LIMK1: variants seen among roughly 807,000 people sequenced by gnomAD.
The protein encoded by LIMK1 is LIM motif-containing protein kinase.
A neutral mutation model predicts 77.6 loss-of-function variants in LIMK1; 21 were observed. The observed-to-expected ratio is 0.27, with a 90% CI of 0.19 to 0.39. The LOEUF is 0.39. Ranked by LOEUF, LIMK1 falls within the 10% of genes least tolerant of loss-of-function variation. The probability of loss-of-function intolerance (pLI) is 1.00; values close to 1 mark genes in which losing one functional copy is unlikely to be tolerated. For synonymous variants in LIMK1, 358 were observed against 370.0 expected, an observed-to-expected ratio of 0.97 and a Z score of 0.37; for missense variants, 696 against 901.6, an observed-to-expected ratio of 0.77 and a Z score of 2.92.
At chr7:74,108,723 G>A (rs1799634157) in intron 9 of LIMK1, among the ~76,000 whole-genome samples, 182 bp from the exon 10 acceptor site, 1 of 151,760 alleles carries the variant, frequency 6.6e-6, no homozygotes, top group South Asian at 2.1e-4. Flanking sequence ...GCTGGGGGTG[G>A]GGGCAGCTCA....
intron 2 of LIMK1, among the ~76,000 whole-genome samples, chr7:74,091,011 T>G (rs1554694700): frequency 6.6e-6 from 1 of 152,180 alleles, no homozygotes; most frequent in Non-Finnish European, 1.5e-5. Flanking sequence ...CCTCCCGGGT[T>G]CACACCATTC....
Position 74,096,661 on chromosome 7 carries a change from T to C in LIMK1, c.192T>C (p.Tyr64=). 2 of 1,613,786 alleles carry C rather than the reference T, an allele frequency of 1.2e-6. No homozygotes were observed. Among genetic ancestry groups the C allele is most frequent in the Non-Finnish European group, 1.7e-6 (2 of 1,179,808 alleles). The change falls in exon 3 of 16, where the codon TAT becomes TAC. Residue 64 remains tyrosine (Y), a synonymous_variant. Coordinates refer to ENST00000336180, the MANE Select transcript of LIMK1 (RefSeq NM_002314.4). ...DCSASLSHQY[Y]EKDGQLFCKK... ...GTGCCTCCCTGTCGCACCAGTACTA[T>C]GAGAAGGATGGGCAGCTCTTCTGCA...
At chr7:74,120,395 G>C (rs980980885) in intron 13 of LIMK1, among the ~76,000 whole-genome samples, 188 bp from the exon 14 acceptor site, 1 of 152,204 alleles carries the variant, frequency 6.6e-6, no homozygotes, top group East Asian at 1.9e-4. Flanking sequence ...GCTCCCAAAG[G>C]CTTGCTCAGA....
At chr7:74,084,701 CTT>C (rs1799099240) in intron 1 of LIMK1, among the ~76,000 whole-genome samples, 1 of 152,260 alleles carries the variant, frequency 6.6e-6, no homozygotes, top group East Asian at 1.9e-4. Flanking sequence ...CTAACCTCCT[CTT>C]TAGCCCCTTC....
At chr7:74,110,042 G>C (rs1026660319) in intron 10 of LIMK1, 8 of 152,108 alleles carry the variant, frequency 5.3e-5, no homozygotes, top group Admixed American at 2.0e-4. Context: ...TCCGTTGTCA[G>C]GTGCAATTTA....
rs1339634157 is a variant in LIMK1 at position 74,121,127 on chromosome 7, C to T, written c.1782-12C>T. 8 of 1,611,012 alleles carry T rather than the reference C, an allele frequency of 5.0e-6. No homozygotes were observed. The highest frequency in any genetic ancestry group is 1.1e-5 in the South Asian group (1 of 90,860). On this transcript the variant is annotated splice_polypyrimidine_tract_variant and intron_variant, in intron 15 of 15. Coordinates refer to ENST00000336180, the MANE Select transcript of LIMK1 (RefSeq NM_002314.4). ...AGCCAGACCCACCGTTCCCCACCCA[C>T]CTGTCACCCAGGCCATCCTTTGTGA...
rs1554693680 is a variant in LIMK1, at chr7:74,083,871, C to A, written c.-120C>A. 6.7e-6 allele frequency: 1 copy of A among 148,796 alleles called. No homozygotes were observed. The highest frequency in any genetic ancestry group is 1.5e-5 in the Non-Finnish European group (1 of 68,178). The allele number at this position is 148,796 out of a possible 1,614,324, so 9.2% of individuals were successfully genotyped here. A position where few individuals can be genotyped will look rare whatever the true frequency, so the allele number is the denominator to read the frequency against. On this transcript the variant is annotated 5_prime_UTR_variant, in exon 1 of 16. Transcript: ENST00000336180. ...CCGGTGTCCGAGAGGCGCCCCCGGC[C>A]CGGCCCGGCCCGGCCCGCGCCCTCC... is the stretch of plus-strand genomic sequence containing the variant.
intron 2 of LIMK1, among the ~76,000 whole-genome samples, chr7:74,086,747 C>G (rs566587378): frequency 6.6e-6 from 1 of 152,040 alleles, no homozygotes; most frequent in Non-Finnish European, 1.5e-5. Context: ...AATTCAGCCC[C>G]CTGCTGGCAC....
At chr7:74,089,693 A>C (rs1371485676) in intron 2 of LIMK1, among the ~76,000 whole-genome samples, 1 of 151,356 alleles carries the variant, frequency 6.6e-6, no homozygotes, top group Non-Finnish European at 1.5e-5. Flanking sequence ...GTTGAGCTGG[A>C]GGGGACATGG....
At chr7:74,092,437 G>A (rs1281623034) in intron 2 of LIMK1, among the ~76,000 whole-genome samples, 1 of 152,190 alleles carries the variant, frequency 6.6e-6, no homozygotes, top group Non-Finnish European at 1.5e-5. Context: ...GCCCCTCTTT[G>A]TAGAGTGGGA....
intron 2 of LIMK1, chr7:74,093,290 A>G (rs761533719): frequency 2.3e-4 from 350 of 1,535,880 alleles, no homozygotes; most frequent in Non-Finnish European, 2.9e-4. Flanking sequence ...CGCTTCCTCC[A>G]GAGGGCTAAG....
chr7:74,096,449 C>T (rs1455708466), intron 2 of LIMK1, among the ~76,000 whole-genome samples, 173 bp from the exon 3 acceptor site: 1 of 151,984 alleles, frequency 6.6e-6, no homozygotes, highest in Admixed American at 6.5e-5. Context: ...TGCAGTGAGC[C>T]GAGATCGAGC....
chr7:74,118,425 C>T (rs1378582277), intron 13 of LIMK1, among the ~76,000 whole-genome samples: 4 of 134,444 alleles, frequency 3.0e-5, no homozygotes, highest in African/African-American at 1.1e-4. Context: ...CACACACACA[C>T]AGAGTTAACA....
Position 74,115,877 on chromosome 7 carries a change from C to A in LIMK1, c.1486C>A (p.Arg496=). The A allele has an allele frequency of 2.5e-6, 4 of 1,614,112 alleles. No homozygotes were observed. The highest frequency in any genetic ancestry group is 2.5e-6 in the Non-Finnish European group (3 of 1,179,994). The change falls in exon 13 of 16, where the codon CGG becomes AGG. Residue 496 remains arginine, a synonymous_variant. Transcript: ENST00000336180. ...CGAGAAGACTCAGCCTGAGGGCCTG[C>A]GGAGCCTCAAGAAGCCAGACCGCAA... ...VDEKTQPEGL[R]SLKKPDRKKR...
rs567834867 is a variant in LIMK1, at chr7:74,096,217, G to A, written c.153-405G>A. Among the ~76,000 whole-genome samples, 31 of 151,380 alleles carry A rather than the reference G, an allele frequency of 2.0e-4. No homozygotes were observed. In the South Asian group the frequency reaches 2.3e-3, roughly 11 times the overall value. On this transcript the variant is annotated intron_variant, in intron 2 of 15. Transcript: ENST00000336180. ...TGACCCCAAGTGATCTGCCCACCTC[G>A]GCCTCCCAAAGTGCTGGGATTACAG...
chr7:74,109,620 CTG>C (rs1200735751), intron 10 of LIMK1: 10 of 153,910 alleles, frequency 6.5e-5, no homozygotes, highest in Admixed American at 6.4e-4. Context: ...CTTTGGGAGA[CTG>C]AGGTTGGCAG....
In LIMK1 at chr7:74,084,049, C is replaced by T. The variant is rs1554693720; in HGVS notation, c.55+4C>T. The T allele has an allele frequency of 1.4e-6, 2 of 1,478,366 alleles. No homozygotes were observed. The highest frequency in any genetic ancestry group is 2.6e-5 in the South Asian group (2 of 77,354). The allele number at this position is 1,478,366 out of a possible 1,614,324, so 91.6% of individuals were successfully genotyped here. ...GAAGAACGTATGGGAGAGGAAGGTG[C>T]GCGGGCCGCGGGGTGTGGGGCGAGG... On this transcript the variant is annotated splice_donor_region_variant and intron_variant, in intron 1 of 15. Coordinates refer to ENST00000336180, the MANE Select transcript of LIMK1 (RefSeq NM_002314.4).
chr7:74,114,624 G>A (rs545421007), intron 12 of LIMK1, among the ~76,000 whole-genome samples: 1 of 150,512 alleles, frequency 6.6e-6, no homozygotes, highest in Non-Finnish European at 1.5e-5. Context: ...GAATATTCAA[G>A]ATAAAATTAG....
chr7:74,118,490 G>A (rs1799866888), intron 13 of LIMK1, among the ~76,000 whole-genome samples: 2 of 149,498 alleles, frequency 1.3e-5, no homozygotes, highest in Admixed American at 6.7e-5. Context: ...AGTGGTTCAC[G>A]CTTGTAATCC....
Sources: gnomAD v4.1 joint callset for allele counts (sites outside exome capture counted in the v4.1 genomes callset) on GRCh38, gnomAD v4.1.1 for gene constraint, MANE v1.5 for transcripts, NCBI Gene and HGNC (gene_info 2026-07-23, HGNC 2026-07-21) for gene names.